The following ZNF512 variants were observed in gnomAD, a reference collection of about 807,000 sequenced individuals.
The protein encoded by ZNF512 is zinc finger protein 512.
A neutral mutation model predicts 77.5 loss-of-function variants in ZNF512; 25 were observed. The ratio of observed to expected loss-of-function variants is 0.32; its 90% CI spans 0.23 to 0.45. ZNF512 has a LOEUF of 0.45. Among genes scored for constraint, ZNF512 ranks in the 20% least tolerant of loss-of-function variants. ZNF512 has a pLI of 1.00. For synonymous variants in ZNF512, 246 were observed against 239.9 expected (o/e 1.03, Z -0.24); for missense variants, 483 against 692.6 (o/e 0.70, Z 3.40).
chr2:27,613,061 C>T (rs1348193052), intron 10 of ZNF512, among the ~76,000 whole-genome samples: 1 of 152,162 alleles, frequency 6.6e-6, no homozygotes, highest in East Asian at 1.9e-4. Context: ...CACTTACCTC[C>T]AAAGATAACC....
chr2:27,601,399 T>C lies in ZNF512; in HGVS notation c.626T>C (p.Leu209Pro). The part of the protein sequence containing the change: ...CHHCGKQLRS[L>P]AGMKYHVMAN... ...CATTGTGGGAAACAACTTCGTTCAC[T>C]GGCAGGGATGAAGTATCATGTCATG... The change falls in exon 7 of 14, where the codon CTG (leucine) becomes CCG (proline). Residue 209 changes from leucine (L) to proline (P), a missense_variant. Around this residue, in one of 2 missense-constraint regions of ZNF512, gnomAD observed 324 missense variants for 525.0 expected, o/e 0.62. Transcript: ENST00000355467. The C allele has an allele frequency of 6.2e-7, 1 of 1,614,138 alleles. No individual in the cohort carries two copies. The highest frequency in any genetic ancestry group is 8.5e-7 in the Non-Finnish European group (1 of 1,180,002).
chr2:27,599,947 T>C lies in ZNF512; in HGVS notation c.374-23T>C, dbSNP rs559422909. ...TATTAGCAAGGGTGACATGCTGGGCTTCAAGTTTCTGTCTTATGTCAGGGA... is the reference window on the plus strand; with the variant it reads ...TATTAGCAAGGGTGACATGCTGGGCCTCAAGTTTCTGTCTTATGTCAGGGA... On this transcript the variant is annotated intron_variant, in intron 4 of 13. Transcript: ENST00000355467. 4 of 1,613,926 alleles carry C rather than the reference T, an allele frequency of 2.5e-6. No homozygotes were observed. The East Asian group carries it at 6.7e-5, about 27-fold the overall frequency.
chr2:27,592,064 A>G (rs1204259228), intron 2 of ZNF512, among the ~76,000 whole-genome samples: 1 of 152,036 alleles, frequency 6.6e-6, no homozygotes, highest in Non-Finnish European at 1.5e-5. Context: ...ACCTCTGCTC[A>G]CTGCAGCCTC....
chr2:27,596,383 AAG>A, intron 2 of ZNF512, among the ~76,000 whole-genome samples: 1 of 152,328 alleles, frequency 6.6e-6, no homozygotes, highest in East Asian at 1.9e-4. Context: ...ACATTGAATT[AAG>A]AGATTCTTTT....
chr2:27,583,243 A>T, intron 1 of ZNF512, 101 bp downstream of exon 1: 1 of 1,510,492 alleles, frequency 6.6e-7, no homozygotes, highest in African/African-American at 1.4e-5. Context: ...GTTTTATCAG[A>T]GGCCATCGTA....
intron 2 of ZNF512, 56 bp from the exon 3 acceptor site, chr2:27,598,011 T>C: frequency 7.2e-7 from 1 of 1,389,386 alleles, no homozygotes; most frequent in Non-Finnish European, 9.7e-7. Flanking sequence ...TAAAAGAATG[T>C]ATAGAAATTT....
chr2:27,603,564 T>C (rs910761853), intron 9 of ZNF512, among the ~76,000 whole-genome samples: 1 of 104,490 alleles, frequency 9.6e-6, no homozygotes, highest in Non-Finnish European at 1.9e-5. Flanking sequence ...ATCTTATATA[T>C]TTTTATATAG....
chr2:27,618,750 A>G (rs1673001530), intron 13 of ZNF512, among the ~76,000 whole-genome samples: 1 of 152,236 alleles, frequency 6.6e-6, no homozygotes, highest in South Asian at 2.1e-4. Context: ...TCAGAAGGTC[A>G]AGGGTTTTCT....
At chr2:27,592,301 A>T (rs7587332) in intron 2 of ZNF512, among the ~76,000 whole-genome samples, 6,449 of 145,438 alleles carry the variant, frequency 0.044, 479 homozygotes, top group African/African-American at 0.16. Context: ...TAGTTTTTTT[A>T]TTTATTTATT....
rs762399899 is a variant in ZNF512 at position 27,608,030 on chromosome 2, T to C, written c.1122T>C (p.Asp374=). 1 of 1,571,540 alleles carries C rather than the reference T, an allele frequency of 6.4e-7. No homozygotes were observed. The change falls in exon 10 of 14, where the codon GAT becomes GAC. Residue 374 remains aspartate, a synonymous_variant. Coordinates refer to ENST00000355467, the MANE Select transcript of ZNF512 (RefSeq NM_032434.4). ...AGGTGCTTCAGGACCTGGTACCTGATGATCGAAAGGTAAGGCAGAAACATG... is the reference window on the plus strand; with the variant it reads ...AGGTGCTTCAGGACCTGGTACCTGACGATCGAAAGGTAAGGCAGAAACATG... ...KRKVLQDLVP[D]DRKLKYTRPG...
chr2:27,587,824 G>T (rs1259704889), intron 2 of ZNF512, among the ~76,000 whole-genome samples: 1 of 151,802 alleles, frequency 6.6e-6, no homozygotes. Flanking sequence ...GGGATTACAG[G>T]CATGTGCCGC....
chr2:27,608,846 C>G (rs1672479445), intron 10 of ZNF512, among the ~76,000 whole-genome samples: 1 of 152,042 alleles, frequency 6.6e-6, no homozygotes, highest in African/African-American at 2.4e-5. Context: ...TACAGTGGCT[C>G]AAGGCTGTAA....
intron 3 of ZNF512, 141 bp from the exon 4 acceptor site, chr2:27,599,441 TG>T: frequency 1.6e-6 from 1 of 617,930 alleles, no homozygotes; most frequent in South Asian, 2.3e-5. Flanking sequence ...TCTCTAAAAA[TG>T]TCACAGACAT....
intron 2 of ZNF512, among the ~76,000 whole-genome samples, chr2:27,597,165 C>G (rs916375153): frequency 7.9e-5 from 12 of 152,206 alleles, no homozygotes; most frequent in Non-Finnish European, 1.8e-4. Flanking sequence ...GCAAACCTCT[C>G]TATGTGTAAT....
intron 10 of ZNF512, 89 bp from the exon 11 acceptor site, chr2:27,615,079 T>C (rs1171827817): frequency 9.3e-6 from 7 of 752,268 alleles, no homozygotes; most frequent in Middle Eastern, 2.4e-4. Flanking sequence ...TTCAGAATTA[T>C]ATAACCTAAA....
intron 10 of ZNF512, among the ~76,000 whole-genome samples, chr2:27,612,080 T>G (rs918918790): frequency 6.6e-6 from 1 of 152,182 alleles, no homozygotes; most frequent in Non-Finnish European, 1.5e-5. Context: ...TGTGAAAAGA[T>G]CTGTTGTTTT....
In ZNF512 at chr2:27,602,511, A is replaced by G. The variant is rs1276687476; in HGVS notation, c.718A>G (p.Arg240Gly). 1 of 1,614,052 alleles carries G rather than the reference A, an allele frequency of 6.2e-7. No homozygotes were observed. Among genetic ancestry groups the G allele is most frequent in the South Asian group, 1.1e-5 (1 of 91,054 alleles). The change falls in exon 8 of 14, where the codon AGG (arginine) becomes GGG (glycine). Residue 240 changes from arginine to glycine, a missense_variant. Around this residue, in one of 2 missense-constraint regions of ZNF512, gnomAD observed 324 missense variants for 525.0 expected, o/e 0.62. Coordinates refer to ENST00000355467, the MANE Select transcript of ZNF512 (RefSeq NM_032434.4). The stretch of plus-strand genomic sequence containing the variant: ...AATAGATGAGCCAAGTGAGAGGGAA[A>G]GGCTCCGAACAGTTCTAAAGAGACT... ...DEIDEPSERE[R>G]LRTVLKRLGK... is the part of the protein sequence containing the mutation.
Position 27,616,308 on chromosome 2 carries a change from T to G in ZNF512, c.1280T>G (p.Leu427Arg). ...YSSVSGLKAHLGSCTLGNFVA... is the reference protein window; with the variant it reads ...YSSVSGLKAHRGSCTLGNFVA... ...AGTGTATCTGGCCTTAAAGCTCACC[T>G]GGGCTCTTGTACATTGGTTTGTAAC... Residue 427 changes from leucine (L) to arginine (R), a missense_variant, in exon 12 of 14, where the codon CTG (leucine) becomes CGG (arginine). Physicochemically the swap from Leu to Arg is moderately radical, Grantham distance 102. Coordinates refer to ENST00000355467, the MANE Select transcript of ZNF512 (RefSeq NM_032434.4). 1 of 1,613,938 alleles carries G rather than the reference T, an allele frequency of 6.2e-7. No homozygotes were observed. The highest frequency in any genetic ancestry group is 8.5e-7 in the Non-Finnish European group (1 of 1,179,766).
chr2:27,603,384 T>C, intron 9 of ZNF512, 77 bp downstream of exon 9: 1 of 1,475,884 alleles, frequency 6.8e-7, no homozygotes, highest in Admixed American at 1.9e-5. Flanking sequence ...TCTTCCCATA[T>C]GTGTTTGGTT....
Sources: allele counts gnomAD v4.1 joint callset (sites outside exome capture counted in the v4.1 genomes callset), GRCh38; gene constraint gnomAD v4.1.1; regional missense constraint gnomAD v4.1.1; transcripts MANE v1.5; gene names NCBI Gene and HGNC (gene_info 2026-07-23, HGNC 2026-07-21).